The following MOCOS variants were observed in gnomAD, a reference collection of about 807,000 sequenced individuals.
The protein encoded by MOCOS is molybdenum cofactor sulfurase, also known as human molybdenum cofactor sulfurase.
MOCOS carries 86 observed loss-of-function variants against 83.6 expected under a neutral mutation model. The observed-to-expected ratio is 1.03, with a 90% CI of 0.86 to 1.23. MOCOS has a LOEUF of 1.23. MOCOS is among the 50% of genes most tolerant of loss of function. The probability of loss-of-function intolerance (pLI) is 0.00; values close to 1 mark genes in which losing one functional copy is unlikely to be tolerated. For missense variants in MOCOS, 1,120 were observed against 1,126.9 expected (o/e 0.99, Z 0.09); for synonymous variants, 445 against 434.7 (o/e 1.02, Z -0.29).
Position 36,214,479 on chromosome 18 carries a change from G to A in MOCOS, c.1335+997G>A, listed in dbSNP as rs1018335812. ...GGGTGCGGTGTGGAACTCTTCTAGGGCTCCAGGGATTCTGCGTCTCCCAGA... is the reference window on the plus strand; with the variant it reads ...GGGTGCGGTGTGGAACTCTTCTAGGACTCCAGGGATTCTGCGTCTCCCAGA... On this transcript the variant is annotated intron_variant, in intron 7 of 14. Transcript: ENST00000261326. Among the ~76,000 whole-genome samples, 5 of 151,972 alleles carry A rather than the reference G, an allele frequency of 3.3e-5. No individual in the cohort carries two copies. In the South Asian group the frequency reaches 6.2e-4, roughly 19 times the overall value.
intron 6 of MOCOS, 130 bp downstream of exon 6, chr18:36,205,406 T>G: frequency 2.2e-6 from 2 of 929,784 alleles, no homozygotes; most frequent in South Asian, 2.7e-5. Context: ...CCTTTCCACC[T>G]TCATTCACCC....
intron 9 of MOCOS, among the ~76,000 whole-genome samples, chr18:36,237,774 G>T (rs2144939511): frequency 6.6e-6 from 1 of 151,368 alleles, no homozygotes; most frequent in African/African-American, 2.4e-5. Context: ...GACTCTTTTT[G>T]GTTGGTAAGC....
Position 36,213,394 on chromosome 18 carries a change from T to A in MOCOS, c.1247T>A (p.Ile416Asn). Reference sequence around the variant, plus strand: ...GACAAAATGGCCAGTCTTTACAACATCCACCTGCGAACTGGCTGCTTCTGT... The same window carrying A: ...GACAAAATGGCCAGTCTTTACAACAACCACCTGCGAACTGGCTGCTTCTGT... ...QVDKMASLYN[I>N]HLRTGCFCNT... The change falls in exon 7 of 15, where the codon ATC becomes AAC. Residue 416 changes from isoleucine to asparagine, a missense_variant. Coordinates refer to ENST00000261326, the MANE Select transcript of MOCOS (RefSeq NM_017947.4). 6.2e-7 allele frequency: 1 copy of A among 1,614,064 alleles called. No homozygotes were observed. The highest frequency in any genetic ancestry group is 8.5e-7 in the Non-Finnish European group (1 of 1,179,990).
intron 8 of MOCOS, 53 bp downstream of exon 8, chr18:36,216,030 T>C (rs1951711626): frequency 1.3e-6 from 2 of 1,517,210 alleles, no homozygotes; most frequent in Non-Finnish European, 1.8e-6. Flanking sequence ...ACTCTCTCTA[T>C]TTTTTGATAA....
At chr18:36,200,345 G>T (rs753274479) in intron 4 of MOCOS, 21 bp downstream of exon 4, 3 of 1,613,170 alleles carry the variant, frequency 1.9e-6, no homozygotes, top group East Asian at 2.2e-5. Flanking sequence ...CACAGGGGAG[G>T]GGTCAGAGGA....
At position 36,235,871 on chromosome 18, in the gene MOCOS, C is replaced by G. The variant is rs866329130; in HGVS notation, c.1961-13051C>G. Among the ~76,000 whole-genome samples the G allele has an allele frequency of 5.3e-5, 8 of 151,550 alleles. No individual in the cohort carries two copies. In the East Asian group the frequency reaches 5.8e-4, roughly 11 times the overall value. ...CATTGTGGTTTTGATTTGCATTTCT[C>G]TGATGGCCAGTGATGGTGAGCATTT... On this transcript the variant is annotated intron_variant, in intron 9 of 14. Coordinates refer to ENST00000261326, the MANE Select transcript of MOCOS (RefSeq NM_017947.4).
At chr18:36,200,526 C>T (rs541031678) in intron 4 of MOCOS, among the ~76,000 whole-genome samples, 1 of 152,222 alleles carries the variant, frequency 6.6e-6, no homozygotes, top group Admixed American at 6.5e-5. Flanking sequence ...GTGAACTCTA[C>T]CCCCATTTGA....
intron 1 of MOCOS, among the ~76,000 whole-genome samples, chr18:36,188,098 C>A (rs955738983): frequency 5.3e-5 from 8 of 152,196 alleles, no homozygotes; most frequent in African/African-American, 1.4e-4. Context: ...ACCGCCAGCG[C>A]CCGGGCTGGG....
Position 36,248,871 on chromosome 18 carries a change from A to G in MOCOS, c.1961-51A>G, listed in dbSNP as rs374716399. The G allele has an allele frequency of 1.5e-5, 22 of 1,448,238 alleles. No individual in the cohort carries two copies. In the African/African-American group the frequency reaches 2.2e-4, roughly 15 times the overall value. The allele number at this position is 1,448,238 out of a possible 1,614,324, so 89.7% of individuals were successfully genotyped here. On this transcript the variant is annotated intron_variant, in intron 9 of 14. Transcript: ENST00000261326. ...TTTGTAGTATATTTTGAAGTCAAGT[A>G]GCTGTTGTTTTTACATAATGATAAA...
intron 11 of MOCOS, among the ~76,000 whole-genome samples, chr18:36,253,292 A>C (rs564082017): frequency 6.6e-6 from 1 of 152,194 alleles, no homozygotes; most frequent in Admixed American, 6.5e-5. Context: ...ATAAAGGTCT[A>C]TGCGAAGGGC....
intron 5 of MOCOS, 80 bp from the exon 6 acceptor site, chr18:36,204,996 CA>C (rs10685658): frequency 0.019 from 8,026 of 420,268 alleles, no homozygotes; most frequent in East Asian, 0.03. Context: ...GACCGTGTCT[CA>C]AAAAAAAAAA....
At position 36,187,550 on chromosome 18, in the gene MOCOS, C is replaced by T. The variant is rs1214890456; in HGVS notation, c.11C>T (p.Ala4Val). 4.0e-6 allele frequency: 5 copies of T among 1,238,030 alleles called. No individual in the cohort carries two copies. Among genetic ancestry groups the T allele is most frequent in the Non-Finnish European group, 4.0e-6 (4 of 990,610 alleles). The allele number at this position is 1,238,030 out of a possible 1,614,324, so 76.7% of individuals were successfully genotyped here. Residue 4 changes from alanine (A) to valine (V), a missense_variant, in exon 1 of 15, where the codon GCG (alanine) becomes GTG (valine). Coordinates refer to ENST00000261326, the MANE Select transcript of MOCOS (RefSeq NM_017947.4). Reference sequence around the variant, plus strand: ...GGACTAGCCGGGGCCATGGCCGGCGCGGCGGCGGAGTCAGGGCGGGAGCTG... The same window carrying T: ...GGACTAGCCGGGGCCATGGCCGGCGTGGCGGCGGAGTCAGGGCGGGAGCTG... Reference protein sequence around the residue: MAGAAAESGRELWT... With the variant: MAGVAAESGRELWT...
Position 36,200,325 on chromosome 18 carries a change from G to T in MOCOS, c.941+1G>T, listed in dbSNP as rs772589680. 2 of 1,613,840 alleles carry T rather than the reference G, an allele frequency of 1.2e-6. No individual in the cohort carries two copies. The highest frequency in any genetic ancestry group is 2.7e-5 in the African/African-American group (2 of 74,932). Reference sequence around the variant, plus strand: ...TCCCGAGGCAGTCGGTAGCTCAGAGGTAACCTTGCCACAGGGGAGGGGTCA... The same window carrying T: ...TCCCGAGGCAGTCGGTAGCTCAGAGTTAACCTTGCCACAGGGGAGGGGTCA... On this transcript the variant is annotated splice_donor_variant, in intron 4 of 14. Transcript: ENST00000261326. LOFTEE classifies it high-confidence loss of function.
chr18:36,237,380 T>C (rs1225783261), intron 9 of MOCOS, among the ~76,000 whole-genome samples: 1 of 152,198 alleles, frequency 6.6e-6, no homozygotes, highest in African/African-American at 2.4e-5. Flanking sequence ...TCTGCATCTA[T>C]TGAGATAATC....
intron 8 of MOCOS, 124 bp downstream of exon 8, chr18:36,216,101 C>T (rs2091475751): frequency 2.0e-6 from 2 of 1,002,428 alleles, no homozygotes; most frequent in Non-Finnish European, 2.9e-6. Flanking sequence ...TGAGAAAAGC[C>T]ATTCTCACTC....
intron 6 of MOCOS, among the ~76,000 whole-genome samples, chr18:36,207,612 G>A (rs1324289052): frequency 6.6e-6 from 1 of 152,006 alleles, no homozygotes; most frequent in African/African-American, 2.4e-5. Context: ...ATAAGGGTCT[G>A]TTCATGTTCT....
chr18:36,260,716 G>T (rs1478785147), intron 13 of MOCOS, among the ~76,000 whole-genome samples: 2 of 152,086 alleles, frequency 1.3e-5, no homozygotes. Context: ...GGGCTTCAAA[G>T]ATATGAGAAA....
chr18:36,203,236 T>C (rs763674517), intron 5 of MOCOS, 47 bp downstream of exon 5: 2 of 1,536,354 alleles, frequency 1.3e-6, no homozygotes, highest in South Asian at 1.1e-5. Context: ...TGTTGTGTCC[T>C]TGAGGGAGCT....
In MOCOS at chr18:36,239,386, A is replaced by G. The variant is rs867117872; in HGVS notation, c.1961-9536A>G. The stretch of plus-strand genomic sequence containing the variant: ...CTGTAAAGTATTTTATTTCTCCTTC[A>G]CTTATGAAGCTTAGTTTGGCTGGAT... On this transcript the variant is annotated intron_variant, in intron 9 of 14. Transcript: ENST00000261326. Among the ~76,000 whole-genome samples the G allele has an allele frequency of 4.1e-3, 601 of 146,470 alleles. 3 individuals carry two copies. Among genetic ancestry groups the G allele is most frequent in the African/African-American group, 0.015 (577 of 38,006 alleles).
Sources: gnomAD v4.1 joint callset for allele counts (sites outside exome capture counted in the v4.1 genomes callset) on GRCh38, gnomAD v4.1.1 for gene constraint, MANE v1.5 for transcripts, NCBI Gene and HGNC (gene_info 2026-07-23, HGNC 2026-07-21) for gene names.